BFAR: variants seen among roughly 807,000 people sequenced by gnomAD.
BFAR encodes the protein RING finger protein 47.
In BFAR, 52 loss-of-function variants were observed where a neutral mutation model predicts 54.4. The ratio of observed to expected loss-of-function variants is 0.96; its 90% confidence interval spans 0.77 to 1.21. The LOEUF (loss-of-function observed/expected upper bound fraction) is 1.21. BFAR is among the 50% of genes most tolerant of loss of function. BFAR has a pLI of 0.00. For missense variants in BFAR, 571 were observed against 534.0 expected (o/e 1.07, Z -0.68); for synonymous variants, 215 against 204.3 (o/e 1.05, Z -0.45).
chr16:14,651,762 G>A (rs939753214), intron 4 of BFAR, among the ~76,000 whole-genome samples: 20 of 151,864 alleles, frequency 1.3e-4, no homozygotes, highest in African/African-American at 4.6e-4. Context: ...TTATAGGCAT[G>A]AGCCCCCGCA....
intron 2 of BFAR, among the ~76,000 whole-genome samples, chr16:14,645,027 T>C (rs973641996): frequency 9.9e-5 from 15 of 152,260 alleles, no homozygotes; most frequent in African/African-American, 2.9e-4. Flanking sequence ...AATCCTGTCA[T>C]ATAAAGGCCA....
intron 5 of BFAR, 119 bp from the exon 6 acceptor site, chr16:14,661,773 C>A: frequency 9.4e-7 from 1 of 1,065,744 alleles, no homozygotes; most frequent in Non-Finnish European, 1.4e-6. Context: ...TTCATTCATT[C>A]ATGCATTGTG....
At chr16:14,657,968 A>G (rs1163361624) in intron 5 of BFAR, among the ~76,000 whole-genome samples, 1 of 152,026 alleles carries the variant, frequency 6.6e-6, no homozygotes, top group Non-Finnish European at 1.5e-5. Flanking sequence ...TAATCCTCCC[A>G]CCTCAACCTC....
chr16:14,633,509 G>T (rs1009068273), intron 1 of BFAR: 1 of 152,274 alleles, frequency 6.6e-6, no homozygotes, highest in Non-Finnish European at 1.5e-5. Flanking sequence ...AAGGCGGAGC[G>T]ATTGTGCCCA....
chr16:14,635,585 C>G (rs1309627341), intron 1 of BFAR, among the ~76,000 whole-genome samples: 1 of 152,126 alleles, frequency 6.6e-6, no homozygotes, highest in Non-Finnish European at 1.5e-5. Flanking sequence ...TCGTCTTACC[C>G]TACACCACCT....
rs750048150 is a variant in BFAR at position 14,661,884 on chromosome 16, C to T, written c.784-8C>T. 1.9e-6 allele frequency: 3 copies of T among 1,614,010 alleles called. No homozygotes were observed. Among genetic ancestry groups the T allele is most frequent in the Middle Eastern group, 1.6e-4 (1 of 6,062 alleles). On this transcript the variant is annotated splice_region_variant and splice_polypyrimidine_tract_variant and intron_variant, in intron 5 of 7. Transcript: ENST00000261658. ...TGTAATGTGGCCCTGTACTCTTCTC[C>T]TCTGCAGGCTGTGAACCCAGGCAGG...
At chr16:14,654,774 C>T (rs1960074402) in intron 4 of BFAR, among the ~76,000 whole-genome samples, 1 of 152,156 alleles carries the variant, frequency 6.6e-6, no homozygotes, top group South Asian at 2.1e-4. Flanking sequence ...GGATTATAGG[C>T]ATGAGCCACT....
rs1247276679 is a variant in BFAR at position 14,650,050 on chromosome 16, C to A, written c.638+77C>A. 4 of 1,426,766 alleles carry A rather than the reference C, an allele frequency of 2.8e-6. No individual in the cohort carries two copies. In the East Asian group the frequency reaches 7.5e-5, roughly 27 times the overall value. The allele number at this position is 1,426,766 out of a possible 1,614,324, so 88.4% of individuals were successfully genotyped here. A position where few individuals can be genotyped will look rare whatever the true frequency, so the allele number is the denominator to read the frequency against. On this transcript the variant is annotated intron_variant, in intron 4 of 7. Transcript: ENST00000261658. ...CTTGAGATATAATCCAGGCCAGGCG[C>A]GGTGGCTCACACCTGGATCCCAGCA...
chr16:14,659,602 G>A (rs1263451889), intron 5 of BFAR, among the ~76,000 whole-genome samples: 1 of 150,084 alleles, frequency 6.7e-6, no homozygotes, highest in Non-Finnish European at 1.5e-5. Flanking sequence ...CCAGGCTGGA[G>A]TGCAGTGGCG....
rs952237950 is a variant in BFAR, at chr16:14,669,032, G to A, written c.*1205G>A. On this transcript the variant is annotated 3_prime_UTR_variant, in exon 8 of 8. Coordinates refer to ENST00000261658, the MANE Select transcript of BFAR (RefSeq NM_016561.3). ...AACTATGGCCTTTTATTTCCTTCCA[G>A]TGTGAACACAGCAGGTGTGAGATGT... is the stretch of plus-strand genomic sequence containing the variant. 2 of 454,098 alleles carry A rather than the reference G, an allele frequency of 4.4e-6. No individual in the cohort carries two copies. Among genetic ancestry groups the A allele is most frequent in the Admixed American group, 4.7e-5 (2 of 42,206 alleles). The allele number at this position is 454,098 out of a possible 1,614,324, so 28.1% of individuals were successfully genotyped here. A position where few individuals can be genotyped will look rare whatever the true frequency, so the allele number is the denominator to read the frequency against.
chr16:14,651,598 G>C (rs988270381), intron 4 of BFAR, among the ~76,000 whole-genome samples: 1 of 152,076 alleles, frequency 6.6e-6, no homozygotes, highest in African/African-American at 2.4e-5. Context: ...TCCTACCTCA[G>C]CCTCCCAAGT....
At position 14,655,035 on chromosome 16, in the gene BFAR, G is replaced by T. The variant is rs367674770; in HGVS notation, c.639-31G>T. The stretch of plus-strand genomic sequence containing the variant: ...GAGAGTTTGCTTCCAGTATATAATC[G>T]CAAAATAAATCTCCTCCTGCCCCTC... On this transcript the variant is annotated intron_variant, in intron 4 of 7. Coordinates refer to ENST00000261658, the MANE Select transcript of BFAR (RefSeq NM_016561.3). 3.2e-6 allele frequency: 5 copies of T among 1,574,490 alleles called. No homozygotes were observed. The African/African-American group carries it at 6.9e-5, about 22-fold the overall frequency.
At chr16:14,659,092 A>G (rs560372157) in intron 5 of BFAR, among the ~76,000 whole-genome samples, 1 of 151,148 alleles carries the variant, frequency 6.6e-6, no homozygotes, top group African/African-American at 2.4e-5. Flanking sequence ...TATTTTTAGT[A>G]GGGACGGGGT....
At chr16:14,663,270 C>T (rs1161419767) in intron 6 of BFAR, among the ~76,000 whole-genome samples, 1 of 152,172 alleles carries the variant, frequency 6.6e-6, no homozygotes, top group African/African-American at 2.4e-5. Context: ...GCGTGAGCCA[C>T]TGCACCTGGC....
chr16:14,656,691 G>A (rs913580623), intron 5 of BFAR, among the ~76,000 whole-genome samples: 1 of 152,114 alleles, frequency 6.6e-6, no homozygotes, highest in African/African-American at 2.4e-5. Context: ...AGCATTGTTG[G>A]TAATTGCAGG....
At chr16:14,636,626 T>C (rs1437560036) in intron 1 of BFAR, among the ~76,000 whole-genome samples, 1 of 152,200 alleles carries the variant, frequency 6.6e-6, no homozygotes, top group East Asian at 1.9e-4. Flanking sequence ...GCCTTCCTCT[T>C]GGCTCAACTG....
chr16:14,636,495 T>G (rs976777482), intron 1 of BFAR, among the ~76,000 whole-genome samples: 1 of 152,224 alleles, frequency 6.6e-6, no homozygotes, highest in African/African-American at 2.4e-5. Flanking sequence ...CAGAGCGGTA[T>G]TGTTGCCTGC....
chr16:14,658,620 C>G (rs536533705), intron 5 of BFAR, among the ~76,000 whole-genome samples: 2 of 151,962 alleles, frequency 1.3e-5, no homozygotes, highest in African/African-American at 4.8e-5. Flanking sequence ...GTAGTCCCAG[C>G]TACTGGGGAG....
At chr16:14,647,436 C>T (rs899146839) in intron 2 of BFAR, among the ~76,000 whole-genome samples, 1 of 152,032 alleles carries the variant, frequency 6.6e-6, no homozygotes, top group African/African-American at 2.4e-5. Flanking sequence ...TGGCTCATGC[C>T]TGTAATCCCA....
Sources: gnomAD v4.1 joint callset for allele counts (sites outside exome capture counted in the v4.1 genomes callset) on GRCh38, gnomAD v4.1.1 for gene constraint, MANE v1.5 for transcripts, NCBI Gene and HGNC (gene_info 2026-07-23, HGNC 2026-07-21) for gene names.